Variants in NDRG1 observed in about 807,000 individuals in gnomAD.
NDRG1 encodes N-myc downstream regulated 1.
In NDRG1, 32 loss-of-function variants were observed where a neutral mutation model predicts 56.9. That is an observed-to-expected ratio of 0.56 (90% CI 0.42 to 0.76). The LOEUF is 0.76. NDRG1 is among the 30% of genes least tolerant of loss of function. NDRG1 has a pLI of 0.00. For missense variants in NDRG1, 507 were observed against 545.7 expected, an observed-to-expected ratio of 0.93 and a Z score of 0.71; for synonymous variants, 211 against 204.1, an observed-to-expected ratio of 1.03 and a Z score of -0.29.
intron 2 of NDRG1, among the ~76,000 whole-genome samples, chr8:133,281,371 A>G (rs1216846535): frequency 4.6e-5 from 7 of 152,016 alleles, no homozygotes; most frequent in Non-Finnish European, 8.8e-5. Context: ...AAAAAAAAAA[A>G]AAAATCTGAG....
chr8:133,271,851 T>C (rs1857207406), intron 3 of NDRG1, among the ~76,000 whole-genome samples: 1 of 137,956 alleles, frequency 7.2e-6, no homozygotes, highest in Non-Finnish European at 1.5e-5. Flanking sequence ...AGGGGAGGTG[T>C]GTGTGTAGCC....
At chr8:133,246,206 G>A (rs1044031168) in intron 13 of NDRG1, among the ~76,000 whole-genome samples, 3 of 152,268 alleles carry the variant, frequency 2.0e-5, no homozygotes, top group Non-Finnish European at 2.9e-5. Flanking sequence ...AGCTGCGAGT[G>A]AGCTGGCTCA....
chr8:133,239,185 G>A (rs866067571), intron 15 of NDRG1, 66 bp from the exon 16 acceptor site: 131 of 1,544,910 alleles, frequency 8.5e-5, no homozygotes, highest in Middle Eastern at 1.8e-4. Flanking sequence ...AGGCATGCCC[G>A]TCCACCAGCC....
intron 4 of NDRG1, among the ~76,000 whole-genome samples, chr8:133,264,132 C>T (rs939491319): frequency 6.6e-6 from 1 of 151,902 alleles, no homozygotes; most frequent in African/African-American, 2.4e-5. Flanking sequence ...CCAGAACAGG[C>T]AAATTCACAG....
chr8:133,258,875 C>T (rs1367256629), intron 6 of NDRG1: 2 of 536,498 alleles, frequency 3.7e-6, no homozygotes, highest in Non-Finnish European at 6.7e-6. Context: ...CAGAACATTC[C>T]ATGGGAAAGA....
chr8:133,262,189 G>A (rs1163607689), intron 4 of NDRG1, 22 bp from the exon 5 acceptor site: 2 of 1,613,842 alleles, frequency 1.2e-6, no homozygotes, highest in South Asian at 1.1e-5. Context: ...CAGTGAGGGA[G>A]AGAAGAGAAA....
rs147301529 is a variant in NDRG1 at position 133,238,225 on chromosome 8, A to G, written c.*653T>C. 9.3e-3 allele frequency: 2,157 copies of G among 232,788 alleles called. 57 individuals carry two copies. The highest frequency in any genetic ancestry group is 0.045 in the African/African-American group (2,031 of 45,426). The allele number at this position is 232,788 out of a possible 1,614,324, so 14.4% of individuals were successfully genotyped here. On this transcript the variant is annotated 3_prime_UTR_variant, in exon 16 of 16. Coordinates refer to ENST00000323851, the MANE Select transcript of NDRG1 (RefSeq NM_006096.4). ...TGCACATTAAGAGGATGCTAGAAAA[A>G]TCAAGCTTGTTTGCTTCTGCATTCA...
At chr8:133,262,338 C>A in intron 4 of NDRG1, 171 bp from the exon 5 acceptor site, 1 of 728,290 alleles carries the variant, frequency 1.4e-6, no homozygotes, top group Non-Finnish European at 2.3e-6. Context: ...TCCCCATGCC[C>A]ACTTTCCTCT....
At chr8:133,285,219 T>C (rs1303596498) in intron 1 of NDRG1, among the ~76,000 whole-genome samples, 1 of 152,174 alleles carries the variant, frequency 6.6e-6, no homozygotes. Flanking sequence ...TATAAGCATG[T>C]ATTCTTCTAG....
chr8:133,257,440 A>G (rs1856443713), intron 7 of NDRG1, among the ~76,000 whole-genome samples: 1 of 152,214 alleles, frequency 6.6e-6, no homozygotes, highest in South Asian at 2.1e-4. Flanking sequence ...TAGACAGTAT[A>G]GTCTACAACT....
At chr8:133,283,095 A>G (rs1036919024) in intron 2 of NDRG1, among the ~76,000 whole-genome samples, 3 of 152,236 alleles carry the variant, frequency 2.0e-5, no homozygotes, top group Admixed American at 6.5e-5. Flanking sequence ...CTATTCACCA[A>G]CGTCCGCTGG....
intron 11 of NDRG1, 23 bp downstream of exon 11, chr8:133,248,692 T>C: frequency 6.2e-7 from 1 of 1,614,030 alleles, no homozygotes; most frequent in Non-Finnish European, 8.5e-7. Context: ...CTGCAAGTGC[T>C]GGGGGAGAGA....
chr8:133,238,805 G>T lies in NDRG1; in HGVS notation c.*73C>A. ...AGTTAGGCGCAGTATGGCAGGCAGGGGGCGAAAAGGGGCCGGGGAGGAGGG... is the reference window on the plus strand; with the variant it reads ...AGTTAGGCGCAGTATGGCAGGCAGGTGGCGAAAAGGGGCCGGGGAGGAGGG... On this transcript the variant is annotated 3_prime_UTR_variant, in exon 16 of 16. Transcript: ENST00000323851. 1 of 1,481,972 alleles carries T rather than the reference G, an allele frequency of 6.7e-7. No homozygotes were observed. Among genetic ancestry groups the T allele is most frequent in the Non-Finnish European group, 9.0e-7 (1 of 1,109,346 alleles). The allele number at this position is 1,481,972 out of a possible 1,614,324, so 91.8% of individuals were successfully genotyped here.
At chr8:133,254,856 G>A (rs1856283965) in intron 8 of NDRG1, 1 of 515,882 alleles carries the variant, frequency 1.9e-6, no homozygotes, top group African/African-American at 1.9e-5. Flanking sequence ...GCAAATAAGT[G>A]CTGAATAAAG....
chr8:133,279,071 G>T (rs1232765915), intron 3 of NDRG1, among the ~76,000 whole-genome samples: 1 of 152,092 alleles, frequency 6.6e-6, no homozygotes, highest in Non-Finnish European at 1.5e-5. Flanking sequence ...TGTATTTTTA[G>T]TAGAGACAGG....
chr8:133,252,354 C>T (rs1856100522), intron 9 of NDRG1, among the ~76,000 whole-genome samples: 1 of 152,204 alleles, frequency 6.6e-6, no homozygotes, highest in African/African-American at 2.4e-5. Flanking sequence ...CTAAGCCTCC[C>T]AAAGTGCTGG....
At chr8:133,245,075 C>T (rs1241946368) in intron 13 of NDRG1, among the ~76,000 whole-genome samples, 1 of 152,090 alleles carries the variant, frequency 6.6e-6, no homozygotes, top group African/African-American at 2.4e-5. Context: ...CAGCCCAGGG[C>T]GCCTCAAGTC....
intron 1 of NDRG1, among the ~76,000 whole-genome samples, chr8:133,290,487 G>C (rs1234993697): frequency 2.6e-5 from 4 of 152,192 alleles, no homozygotes; most frequent in Non-Finnish European, 5.9e-5. Flanking sequence ...TGTGCCCCAA[G>C]TCAGCAAGCA....
intron 14 of NDRG1, among the ~76,000 whole-genome samples, chr8:133,242,721 AAAAG>A (rs927666871): frequency 2.1e-4 from 24 of 115,782 alleles, no homozygotes; most frequent in Admixed American, 4.4e-4. Flanking sequence ...AAGGAAGGAA[AAAAG>A]AAAGAAAGGA....
Sources: allele counts gnomAD v4.1 joint callset (sites outside exome capture counted in the v4.1 genomes callset), GRCh38; gene constraint gnomAD v4.1.1; transcripts MANE v1.5; gene names NCBI Gene and HGNC (gene_info 2026-07-23, HGNC 2026-07-21).